RBKS: variants seen among roughly 807,000 people sequenced by gnomAD.
RBKS encodes ribokinase.
Under a neutral mutation model 33.9 loss-of-function variants are expected in RBKS, and 33 were observed. The observed-to-expected ratio is 0.97, with a 90% CI of 0.74 to 1.30. RBKS has a LOEUF of 1.30. Among genes scored for constraint, RBKS ranks in the 50% most tolerant of loss-of-function variants. The probability of loss-of-function intolerance (pLI) is 0.00; values close to 1 mark genes in which losing one functional copy is unlikely to be tolerated. For missense variants in RBKS, 361 were observed against 392.6 expected (o/e 0.92, Z 0.68); for synonymous variants, 125 against 143.0 (o/e 0.87, Z 0.90).
At chr2:27,797,630 T>C (rs1394355709) in intron 7 of RBKS, among the ~76,000 whole-genome samples, 1 of 152,162 alleles carries the variant, frequency 6.6e-6, no homozygotes, top group African/African-American at 2.4e-5. Flanking sequence ...GGGAAGGCCA[T>C]GAAGCTCCAG....
chr2:27,784,780 T>C (rs1052021563), intron 7 of RBKS, among the ~76,000 whole-genome samples: 3 of 152,180 alleles, frequency 2.0e-5, no homozygotes, highest in African/African-American at 7.2e-5. Flanking sequence ...GCAACTTTCA[T>C]TCCCCCCATG....
chr2:27,855,408 C>T (rs545901843), intron 2 of RBKS, among the ~76,000 whole-genome samples: 1 of 152,278 alleles, frequency 6.6e-6, no homozygotes, highest in East Asian at 1.9e-4. Flanking sequence ...TCATACTGGG[C>T]CAGTGCATCT....
intron 1 of RBKS, among the ~76,000 whole-genome samples, chr2:27,865,220 T>C (rs1358675203): frequency 3.9e-5 from 6 of 152,150 alleles, no homozygotes; most frequent in Non-Finnish European, 8.8e-5. Flanking sequence ...CTCGGGAGGC[T>C]GAGGCAGGAG....
intron 7 of RBKS, among the ~76,000 whole-genome samples, chr2:27,788,039 A>T (rs570459970): frequency 6.6e-6 from 1 of 152,342 alleles, no homozygotes; most frequent in Non-Finnish European, 1.5e-5. Flanking sequence ...TTCTACATTC[A>T]TTCATGATAA....
At chr2:27,781,898 A>G in intron 7 of RBKS, 110 bp from the exon 8 acceptor site, 1 of 995,872 alleles carries the variant, frequency 1.0e-6, no homozygotes, top group Admixed American at 2.9e-5. Flanking sequence ...GATTTACAGA[A>G]AAGGTACAAG....
Position 27,843,093 on chromosome 2 carries a change from G to T in RBKS, c.488C>A (p.Ala163Asp). ...LEITPATSLE[A>D]LTMARRSGVK... is the part of the protein sequence containing the mutation. ...TCCACTCCTGCGGGCCATTGTTAGG[G>T]CTTCCAAAGAAGTTGCTGGAGTTAT... The change falls in exon 5 of 8, where the codon GCC (alanine) becomes GAC (aspartate). Residue 163 changes from alanine (A) to aspartate (D), a missense_variant. By Grantham distance (126) the Ala-to-Asp change is moderately radical. Transcript: ENST00000302188. 2 of 1,606,306 alleles carry T rather than the reference G, an allele frequency of 1.2e-6. No individual in the cohort carries two copies. The highest frequency in any genetic ancestry group is 1.1e-5 in the South Asian group (1 of 89,664).
At chr2:27,785,761 CAA>C (rs534800572) in intron 7 of RBKS, among the ~76,000 whole-genome samples, 19 of 96,938 alleles carry the variant, frequency 2.0e-4, no homozygotes, top group Admixed American at 2.3e-4. Context: ...GACTCCATCT[CAA>C]AAAAAAAAAA....
In RBKS at chr2:27,834,292, TTCCCACATTTTTGTTATTTCAGAA is replaced by T. The variant is rs561747480; in HGVS notation, c.515-1539_515-1516del. 3.8e-3 allele frequency among the ~76,000 whole-genome samples: 582 copies of T among 152,314 alleles called. 3 individuals are homozygous for T. Among genetic ancestry groups the T allele is most frequent in the Non-Finnish European group, 6.6e-3 (451 of 68,022 alleles). On this transcript the variant is annotated intron_variant, in intron 5 of 7. Transcript: ENST00000302188. ...TCTTGTCCAGTATAGGCTAACACTA[TTCCCACATTTTTGTTATTTCAGAA>T]TCCAGAATGTCCACCCACAGAAATT...
intron 1 of RBKS, among the ~76,000 whole-genome samples, chr2:27,862,949 C>G (rs935902240): frequency 6.6e-6 from 1 of 151,658 alleles, no homozygotes; most frequent in African/African-American, 2.4e-5. Flanking sequence ...AAGAAAGCAT[C>G]TGCACAAAGC....
intron 1 of RBKS, chr2:27,870,773 C>A: frequency 2.2e-6 from 1 of 464,762 alleles, no homozygotes; most frequent in Non-Finnish European, 4.4e-6. Flanking sequence ...CATATACTCA[C>A]ACAAAATGAC....
At position 27,836,690 on chromosome 2, in the gene RBKS, G is replaced by C. The variant is rs183826734; in HGVS notation, c.515-3913C>G. ...ATAGCTTCTGCATAGCAAAAGAAAT[G>C]GTCAATAGAGTAAACAGAAAACCTA... On this transcript the variant is annotated intron_variant, in intron 5 of 7. Transcript: ENST00000302188. Among the ~76,000 whole-genome samples, 52 of 152,116 alleles carry C rather than the reference G, an allele frequency of 3.4e-4. 1 individual carries two copies. The East Asian group carries it at 9.6e-3, about 28-fold the overall frequency.
chr2:27,835,357 T>C (rs1335590067), intron 5 of RBKS, among the ~76,000 whole-genome samples: 1 of 151,812 alleles, frequency 6.6e-6, no homozygotes, highest in African/African-American at 2.4e-5. Flanking sequence ...AAAGTAGATC[T>C]CCGTTTATCA....
rs1347102389 is a variant in RBKS at position 27,795,476 on chromosome 2, G to A, written c.796-13688C>T. On this transcript the variant is annotated intron_variant, in intron 7 of 7. Transcript: ENST00000302188. The surrounding 1 kb of genome is among the most constrained non-coding windows in gnomAD (Gnocchi z 4.1). ...TCTTTACAGAGGAGTGGAAGGGTAA[G>A]GAAGAGAGTGAACTTTTACTGTTTG... Among the ~76,000 whole-genome samples, 2 of 152,198 alleles carry A rather than the reference G, an allele frequency of 1.3e-5. No homozygotes were observed. The highest frequency in any genetic ancestry group is 2.9e-5 in the Non-Finnish European group (2 of 68,038).
At chr2:27,783,767 C>T (rs918827712) in intron 7 of RBKS, among the ~76,000 whole-genome samples, 9 of 151,152 alleles carry the variant, frequency 6.0e-5, no homozygotes, top group Non-Finnish European at 1.3e-4. Context: ...ATTAGCCGGG[C>T]GAGGTGGTGG....
At chr2:27,872,709 C>G (rs1293984857) in intron 1 of RBKS, among the ~76,000 whole-genome samples, 1 of 152,088 alleles carries the variant, frequency 6.6e-6, no homozygotes, top group Non-Finnish European at 1.5e-5. Flanking sequence ...ATAACAACAA[C>G]AAGAAATTGT....
chr2:27,869,428 C>G (rs1224073016), intron 1 of RBKS, among the ~76,000 whole-genome samples: 1 of 152,150 alleles, frequency 6.6e-6, no homozygotes, highest in Admixed American at 6.5e-5. Flanking sequence ...AGAGAGCATA[C>G]AATTTCATGG....
At chr2:27,835,291 GA>G (rs926708389) in intron 5 of RBKS, among the ~76,000 whole-genome samples, 4 of 143,326 alleles carry the variant, frequency 2.8e-5, no homozygotes, top group East Asian at 2.1e-4. Flanking sequence ...AAAAAAAAAA[GA>G]AAAAAAAGAA....
intron 7 of RBKS, among the ~76,000 whole-genome samples, chr2:27,823,675 C>G (rs1678259377): frequency 6.6e-6 from 1 of 152,078 alleles, no homozygotes; most frequent in Non-Finnish European, 1.5e-5. Context: ...AATGAAAGTG[C>G]TGGATGAGAG....
intron 3 of RBKS, 24 bp from the exon 4 acceptor site, chr2:27,847,128 A>G: frequency 1.5e-6 from 2 of 1,344,634 alleles, no homozygotes; most frequent in Non-Finnish European, 2.1e-6. Context: ...GAAAATTACA[A>G]TCACATGTAT....
Sources: allele counts gnomAD v4.1 joint callset (sites outside exome capture counted in the v4.1 genomes callset), GRCh38; gene constraint gnomAD v4.1.1; non-coding constraint Gnocchi (gnomAD v3.1); transcripts MANE v1.5; gene names NCBI Gene and HGNC (gene_info 2026-07-23, HGNC 2026-07-21).